PKP4: variants seen among roughly 807,000 people sequenced by gnomAD.
The protein encoded by PKP4 is plakophilin 4.
In PKP4, 90 loss-of-function variants were observed where a neutral mutation model predicts 145.1. The observed-to-expected ratio is 0.62, with a 90% CI of 0.52 to 0.74. PKP4 has a LOEUF of 0.74. PKP4 is among the 30% of genes least tolerant of loss of function. The pLI is 0.00. For missense variants in PKP4, 1,340 were observed against 1,482.7 expected (o/e 0.90, Z 1.58); for synonymous variants, 563 against 577.2 (o/e 0.98, Z 0.35).
chr2:158,573,914 G>A (rs1452924945), intron 2 of PKP4, among the ~76,000 whole-genome samples: 1 of 152,260 alleles, frequency 6.6e-6, no homozygotes, highest in African/African-American at 2.4e-5. Context: ...CAAGGGGACT[G>A]TCTGCAGCCG....
chr2:158,667,599 A>G (rs1434422503), intron 16 of PKP4, among the ~76,000 whole-genome samples: 1 of 152,230 alleles, frequency 6.6e-6, no homozygotes, highest in Non-Finnish European at 1.5e-5. Flanking sequence ...GTTTACCATA[A>G]AGAATTGCTG....
In PKP4 at chr2:158,680,835, G is replaced by C; in HGVS notation, c.*158G>C. 1 of 662,444 alleles carries C rather than the reference G, an allele frequency of 1.5e-6. No individual in the cohort carries two copies. Among genetic ancestry groups the C allele is most frequent in the Non-Finnish European group, 2.5e-6 (1 of 397,404 alleles). 41.0% of individuals were successfully genotyped at this position (662,444 alleles called of 1,614,324 possible). On this transcript the variant is annotated 3_prime_UTR_variant, in exon 22 of 22. Coordinates refer to ENST00000389759, the MANE Select transcript of PKP4 (RefSeq NM_003628.6). ...TCTTTTTTGAGGAATTATCAGGGAA[G>C]TGAGGAAATGTTTGGGAGAGGACTT...
At chr2:158,618,580 T>C (rs1299997966) in intron 4 of PKP4, among the ~76,000 whole-genome samples, 1 of 152,234 alleles carries the variant, frequency 6.6e-6, no homozygotes, top group East Asian at 1.9e-4. Flanking sequence ...ATCTCATGAT[T>C]TGTGCTTTCT....
intron 15 of PKP4, among the ~76,000 whole-genome samples, chr2:158,664,075 T>C (rs1188945740): frequency 6.6e-6 from 1 of 152,232 alleles, no homozygotes; most frequent in Non-Finnish European, 1.5e-5. Flanking sequence ...CGAAAGAGTC[T>C]GGGCAGATGA....
intron 11 of PKP4, among the ~76,000 whole-genome samples, chr2:158,655,258 A>G (rs2055799801): frequency 6.6e-6 from 1 of 152,202 alleles, no homozygotes; most frequent in Admixed American, 6.5e-5. Context: ...ATACAACTCC[A>G]TCAGTCATTC....
intron 1 of PKP4, among the ~76,000 whole-genome samples, chr2:158,529,915 C>T (rs972344071): frequency 2.6e-5 from 4 of 152,134 alleles, no homozygotes; most frequent in African/African-American, 7.2e-5. Context: ...GTATTGATAT[C>T]ATGGCTAAAA....
Position 158,577,307 on chromosome 2 carries a change from G to A in PKP4, c.169G>A (p.Val57Met). ...QFQRLTRELEVERQIVASQLE... is the reference protein window; with the variant it reads ...QFQRLTRELEMERQIVASQLE... Reference sequence around the variant, plus strand: ...TCAGCGACTCACCCGAGAACTGGAAGTGGAAAGGCAGATTGTTGCCAGTCA... The same window carrying A: ...TCAGCGACTCACCCGAGAACTGGAAATGGAAAGGCAGATTGTTGCCAGTCA... The change falls in exon 3 of 22, where the codon GTG becomes ATG. Residue 57 changes from valine to methionine, a missense_variant. Coordinates refer to ENST00000389759, the MANE Select transcript of PKP4 (RefSeq NM_003628.6). 6.2e-7 allele frequency: 1 copy of A among 1,613,734 alleles called. No individual in the cohort carries two copies. Among genetic ancestry groups the A allele is most frequent in the East Asian group, 2.2e-5 (1 of 44,864 alleles).
chr2:158,618,787 C>T lies in PKP4; in HGVS notation c.281-2203C>T, dbSNP rs189990980. On this transcript the variant is annotated intron_variant, in intron 4 of 21. Transcript: ENST00000389759. The stretch of plus-strand genomic sequence containing the variant: ...TTTTAAAAAGTGGGTGGGCAGCTTA[C>T]ATAAAATTCTAATGGTTTTGGTTTC... Among the ~76,000 whole-genome samples, 24 of 151,982 alleles carry T rather than the reference C, an allele frequency of 1.6e-4. No homozygotes were observed. The Middle Eastern group carries it at 0.014, about 86-fold the overall frequency.
intron 1 of PKP4, among the ~76,000 whole-genome samples, chr2:158,501,763 C>T (rs1310753063): frequency 1.3e-5 from 2 of 152,232 alleles, no homozygotes; most frequent in Non-Finnish European, 2.9e-5. Context: ...TATTGTGTGC[C>T]TATTTTGATT....
At chr2:158,510,419 T>G (rs912733936) in intron 1 of PKP4, among the ~76,000 whole-genome samples, 5 of 152,124 alleles carry the variant, frequency 3.3e-5, no homozygotes, top group Non-Finnish European at 7.3e-5. Context: ...TAAAAAGATG[T>G]GGGAGCATTT....
chr2:158,491,700 C>T (rs972094908), intron 1 of PKP4, among the ~76,000 whole-genome samples: 1 of 152,002 alleles, frequency 6.6e-6, no homozygotes, highest in Admixed American at 6.6e-5. Context: ...CGTTTGTTCT[C>T]CCTTCACCCC....
chr2:158,645,280 G>T (rs183101261), intron 11 of PKP4, among the ~76,000 whole-genome samples: 1 of 152,078 alleles, frequency 6.6e-6, no homozygotes. Flanking sequence ...TTTTGTTTAC[G>T]TGTACATGTA....
intron 1 of PKP4, among the ~76,000 whole-genome samples, chr2:158,495,833 CTAAA>C (rs144207416): frequency 0.089 from 12,828 of 143,676 alleles, 625 homozygotes; most frequent in Middle Eastern, 0.21. Context: ...GACTCTGTCT[CTAAA>C]TAAATAAATA....
At position 158,569,055 on chromosome 2, in the gene PKP4, A is replaced by G. The variant is rs147977277; in HGVS notation, c.133-8216A>G. ...TCTTCTTTGAAGTTCTCATCCACACATGGTTCCAAGTAAAAAGCTTTTCTT... is the reference window on the plus strand; with the variant it reads ...TCTTCTTTGAAGTTCTCATCCACACGTGGTTCCAAGTAAAAAGCTTTTCTT... On this transcript the variant is annotated intron_variant, in intron 2 of 21. Coordinates refer to ENST00000389759, the MANE Select transcript of PKP4 (RefSeq NM_003628.6). Among the ~76,000 whole-genome samples, 682 of 152,284 alleles carry G rather than the reference A, an allele frequency of 4.5e-3. 5 individuals carry two copies. Among genetic ancestry groups the G allele is most frequent in the African/African-American group, 0.016 (646 of 41,554 alleles).
intron 12 of PKP4, 91 bp from the exon 13 acceptor site, chr2:158,661,242 T>C: frequency 1.1e-6 from 1 of 903,926 alleles, no homozygotes; most frequent in South Asian, 1.4e-5. Context: ...TGCCACCTGT[T>C]GTTCGCTCTC....
chr2:158,650,495 G>T (rs1048694575), intron 11 of PKP4, among the ~76,000 whole-genome samples: 1 of 152,106 alleles, frequency 6.6e-6, no homozygotes, highest in Non-Finnish European at 1.5e-5. Flanking sequence ...GCAGAGACTC[G>T]GGCTAACCCT....
chr2:158,648,511 C>T (rs1167139673), intron 11 of PKP4, among the ~76,000 whole-genome samples: 6 of 152,162 alleles, frequency 3.9e-5, no homozygotes, highest in East Asian at 1.9e-4. Context: ...AAACAGTTTA[C>T]GAAGCATGTC....
chr2:158,594,723 A>G (rs1238290789), intron 3 of PKP4, among the ~76,000 whole-genome samples: 1 of 152,200 alleles, frequency 6.6e-6, no homozygotes, highest in Non-Finnish European at 1.5e-5. Context: ...GTGAATGGAC[A>G]CTAAGTAAAT....
At chr2:158,546,572 G>T (rs1379663631) in intron 2 of PKP4, among the ~76,000 whole-genome samples, 1 of 152,178 alleles carries the variant, frequency 6.6e-6, no homozygotes, top group Non-Finnish European at 1.5e-5. Context: ...AAAAAATGTA[G>T]CAGTAGGCAG....
Sources: allele counts gnomAD v4.1 joint callset (sites outside exome capture counted in the v4.1 genomes callset), GRCh38; gene constraint gnomAD v4.1.1; transcripts MANE v1.5; gene names NCBI Gene and HGNC (gene_info 2026-07-23, HGNC 2026-07-21).